The following DCDC1 variants were observed in gnomAD, a reference collection of about 807,000 sequenced individuals.
The protein encoded by DCDC1 is doublecortin domain-containing protein 1.
A neutral mutation model predicts 178.3 loss-of-function variants in DCDC1; 200 were observed. The observed-to-expected ratio is 1.12, with a 90% CI of 1.00 to 1.26. DCDC1 has a LOEUF of 1.26. DCDC1 is among the 50% of genes most tolerant of loss of function. DCDC1 has a pLI of 0.00. For synonymous variants in DCDC1, 690 were observed against 604.8 expected, an observed-to-expected ratio of 1.14 and a Z score of -2.07; for missense variants, 1,983 against 1,749.2, an observed-to-expected ratio of 1.13 and a Z score of -2.38.
At chr11:31,260,140 T>C (rs556064644) in intron 8 of DCDC1, among the ~76,000 whole-genome samples, 1 of 152,282 alleles carries the variant, frequency 6.6e-6, no homozygotes, top group African/African-American at 2.4e-5. Context: ...CAATCAGGCA[T>C]CCAGAAGCCA....
chr11:31,187,802 C>A (rs746692402), intron 9 of DCDC1, among the ~76,000 whole-genome samples: 66 of 152,160 alleles, frequency 4.3e-4, no homozygotes, highest in Non-Finnish European at 8.4e-4. Context: ...AGTCTAATCA[C>A]TAATCATTCA....
chr11:31,172,457 T>G (rs1479599018), intron 9 of DCDC1, among the ~76,000 whole-genome samples: 1 of 152,158 alleles, frequency 6.6e-6, no homozygotes, highest in African/African-American at 2.4e-5. Context: ...ATCAATATAA[T>G]GAAATCTATA....
chr11:31,300,745 A>G (rs1948056197), intron 6 of DCDC1, among the ~76,000 whole-genome samples: 1 of 152,278 alleles, frequency 6.6e-6, no homozygotes, highest in South Asian at 2.1e-4. Flanking sequence ...ATAGGCAGAC[A>G]ACTAAGTGAT....
intron 8 of DCDC1, among the ~76,000 whole-genome samples, chr11:31,260,914 G>A (rs975687734): frequency 6.6e-6 from 1 of 152,162 alleles, no homozygotes; most frequent in African/African-American, 2.4e-5. Context: ...ATAGAGGAAT[G>A]ATGTCAAAGT....
chr11:31,037,603 TACAAAATACAAAA>T (rs1954144055), intron 20 of DCDC1, among the ~76,000 whole-genome samples: 1 of 151,900 alleles, frequency 6.6e-6, no homozygotes, highest in African/African-American at 2.4e-5. Flanking sequence ...TTTGTATTTT[TACAAAATACAAAA>T]TTAGCCCGGA....
At chr11:31,114,600 C>T (rs372466992) in intron 11 of DCDC1, among the ~76,000 whole-genome samples, 53 of 152,172 alleles carry the variant, frequency 3.5e-4, no homozygotes, top group East Asian at 1.5e-3. Context: ...GAGTACTACA[C>T]GCAGAGAGAG....
intron 3 of DCDC1, among the ~76,000 whole-genome samples, chr11:31,311,959 G>A (rs559158221): frequency 6.6e-6 from 1 of 152,092 alleles, no homozygotes; most frequent in South Asian, 2.1e-4. Flanking sequence ...CCATGCCAAG[G>A]TACTACCTCA....
Position 31,290,842 on chromosome 11 carries a change from CA to C in DCDC1, c.764del (p.Leu255CysfsTer2). 6.2e-7 allele frequency: 1 copy of C among 1,610,634 alleles called. No homozygotes were observed. The highest frequency in any genetic ancestry group is 8.5e-7 in the Non-Finnish European group (1 of 1,178,700). On this transcript the variant is annotated frameshift_variant, in exon 7 of 39. Transcript: ENST00000684477. LOFTEE classifies it high-confidence loss of function. ...NPFKKIKDHLLLIKKVTWTMN... is the reference protein window; with the variant it reads ...NPFKKIKDHLXLIKKVTWTMN... ...TTGTCCAAGTTACTTTCTTAATTAA[CA>C]ACAGATGGTCTAGAAGATAATTTTT...
At chr11:31,280,849 T>C (rs1946373191) in intron 7 of DCDC1, 4 of 626,100 alleles carry the variant, frequency 6.4e-6, no homozygotes, top group South Asian at 5.5e-5. Flanking sequence ...TGTAAGTGAA[T>C]ACAATGGCCT....
chr11:31,245,578 T>G (rs1248914727), intron 8 of DCDC1, among the ~76,000 whole-genome samples: 8 of 151,568 alleles, frequency 5.3e-5, no homozygotes, highest in Non-Finnish European at 7.4e-5. Context: ...AGGAGGAAAA[T>G]AAATATAAAA....
At chr11:31,085,874 AT>A (rs1216025575) in intron 17 of DCDC1, among the ~76,000 whole-genome samples, 3 of 151,958 alleles carry the variant, frequency 2.0e-5, no homozygotes, top group African/African-American at 7.3e-5. Flanking sequence ...TGCTCAGATA[AT>A]TTTTAATTTT....
At chr11:31,158,870 A>G (rs1966014847) in intron 9 of DCDC1, among the ~76,000 whole-genome samples, 1 of 152,184 alleles carries the variant, frequency 6.6e-6, no homozygotes, top group Non-Finnish European at 1.5e-5. Flanking sequence ...GTCAAAAAAT[A>G]TACAAAACAG....
At chr11:31,284,726 C>T (rs1946692944) in intron 7 of DCDC1, among the ~76,000 whole-genome samples, 1 of 151,716 alleles carries the variant, frequency 6.6e-6, no homozygotes, top group South Asian at 2.1e-4. Flanking sequence ...GCAGCCTCTG[C>T]CTCTAAGGTT....
At position 30,870,168 on chromosome 11, in the gene DCDC1, A is replaced by T. The variant is rs183864541; in HGVS notation, c.*41-4836T>A. 3.0e-4 allele frequency among the ~76,000 whole-genome samples: 46 copies of T among 152,262 alleles called. No individual in the cohort carries two copies. In the East Asian group the frequency reaches 8.9e-3, roughly 29 times the overall value. ...GGAAATCAACCTCTGCCATCAAGTCATTTCCTGAGTGAGGCAGAGTCCTGT... is the reference window on the plus strand; with the variant it reads ...GGAAATCAACCTCTGCCATCAAGTCTTTTCCTGAGTGAGGCAGAGTCCTGT... On this transcript the variant is annotated intron_variant, in intron 38 of 38. Transcript: ENST00000684477.
Position 30,916,963 on chromosome 11 carries a change from T to G in DCDC1, c.3359A>C (p.Gln1120Pro). The G allele has an allele frequency of 6.2e-7, 1 of 1,611,460 alleles. No individual in the cohort carries two copies. The highest frequency in any genetic ancestry group is 2.2e-5 in the East Asian group (1 of 44,830). Reference sequence around the variant, plus strand: ...CTCATCAAAGTCATGTGAAGTTTCCTGCCAGGCATACCTGGGAAGTGTGTG... The same window carrying G: ...CTCATCAAAGTCATGTGAAGTTTCCGGCCAGGCATACCTGGGAAGTGTGTG... ...ACHTLPRYAW[Q>P]ETSHDFDEDD... The change falls in exon 26 of 39, where the codon CAG becomes CCG. Residue 1120 changes from glutamine (Q) to proline (P), a missense_variant. Gln to Pro is a moderately conservative substitution (Grantham distance 76). Transcript: ENST00000684477.
rs571820001 is a variant in DCDC1 at position 31,235,730 on chromosome 11, G to A, written c.1221+5720C>T. On this transcript the variant is annotated intron_variant, in intron 9 of 38. Transcript: ENST00000684477. ...CATCAAAATGTTCAGAATTGCATAA[G>A]CAGAAAAGTCTATCTTTCCTTTATG... Among the ~76,000 whole-genome samples, 24 of 152,016 alleles carry A rather than the reference G, an allele frequency of 1.6e-4. 1 individual carries two copies. In the South Asian group the frequency reaches 4.8e-3, roughly 30 times the overall value.
At position 31,084,570 on chromosome 11, in the gene DCDC1, C is replaced by T. The variant is rs941169985; in HGVS notation, c.2238-6645G>A. The stretch of plus-strand genomic sequence containing the variant: ...CCTATTTTGGCTCCACCTTGGATTT[C>T]GCTTTTTGGATAAAGGCAAGTTAAA... On this transcript the variant is annotated intron_variant, in intron 17 of 38. Coordinates refer to ENST00000684477, the MANE Select transcript of DCDC1 (RefSeq NM_001387274.1). 7.2e-5 allele frequency among the ~76,000 whole-genome samples: 11 copies of T among 151,920 alleles called. No homozygotes were observed. The East Asian group carries it at 2.0e-3, about 27-fold the overall frequency.
intron 8 of DCDC1, among the ~76,000 whole-genome samples, chr11:31,243,423 G>A (rs975927537): frequency 6.6e-6 from 1 of 151,650 alleles, no homozygotes; most frequent in Non-Finnish European, 1.5e-5. Flanking sequence ...TTGAAATAAA[G>A]TTTAATAAAT....
At chr11:31,074,311 C>T (rs1458190170) in intron 18 of DCDC1, among the ~76,000 whole-genome samples, 1 of 152,088 alleles carries the variant, frequency 6.6e-6, no homozygotes, top group Non-Finnish European at 1.5e-5. Context: ...TGGTAACCCT[C>T]CACACAAAAG....
Sources: allele counts gnomAD v4.1 joint callset (sites outside exome capture counted in the v4.1 genomes callset), GRCh38; gene constraint gnomAD v4.1.1; transcripts MANE v1.5; gene names NCBI Gene and HGNC (gene_info 2026-07-23, HGNC 2026-07-21).